The following PACRG variants were observed in gnomAD, a reference collection of about 807,000 sequenced individuals.
The protein encoded by PACRG is parkin coregulated gene protein.
PACRG carries 29 observed loss-of-function variants against 29.7 expected under a neutral mutation model. The ratio of observed to expected loss-of-function variants is 0.98; its 90% CI spans 0.73 to 1.33. The LOEUF is 1.33. Among genes scored for constraint, PACRG ranks in the 40% most tolerant of loss-of-function variants. The pLI, the probability that PACRG is intolerant of heterozygous loss-of-function variation, is 0.00. For synonymous variants in PACRG, 116 were observed against 118.7 expected, an observed-to-expected ratio of 0.98 and a Z score of 0.15; for missense variants, 279 against 316.2, an observed-to-expected ratio of 0.88 and a Z score of 0.89.
At chr6:162,963,793 A>G (rs1052088227) in intron 2 of PACRG, among the ~76,000 whole-genome samples, 37 of 151,674 alleles carry the variant, frequency 2.4e-4, no homozygotes, top group Non-Finnish European at 5.9e-5. Context: ...TATCAACAGA[A>G]CTCTATCCAG....
intron 1 of PACRG, among the ~76,000 whole-genome samples, chr6:162,729,528 T>C (rs530641661): frequency 6.6e-6 from 1 of 152,318 alleles, no homozygotes; most frequent in East Asian, 1.9e-4. Context: ...TTAAAATTCT[T>C]GGAAATGGAC....
At chr6:163,218,170 C>T (rs1781437122) in intron 4 of PACRG, among the ~76,000 whole-genome samples, 1 of 152,150 alleles carries the variant, frequency 6.6e-6, no homozygotes, top group African/African-American at 2.4e-5. Context: ...TGAAGACTAG[C>T]ACATCTTCCC....
At chr6:163,064,012 C>T (rs1811315901) in intron 3 of PACRG, among the ~76,000 whole-genome samples, 1 of 152,034 alleles carries the variant, frequency 6.6e-6, no homozygotes. Flanking sequence ...ACAAGAAAGG[C>T]CCAGAATATT....
At chr6:162,909,607 C>G (rs1796172532) in intron 2 of PACRG, among the ~76,000 whole-genome samples, 1 of 150,294 alleles carries the variant, frequency 6.7e-6, no homozygotes, top group South Asian at 2.1e-4. Flanking sequence ...CTTGAAATTT[C>G]CTTGTCCCCA....
intron 2 of PACRG, among the ~76,000 whole-genome samples, chr6:162,868,583 G>A (rs1584595267): frequency 6.6e-6 from 1 of 152,270 alleles, no homozygotes; most frequent in Admixed American, 6.5e-5. Flanking sequence ...CTCTGGCATT[G>A]AGTTTCTTCC....
chr6:162,974,314 C>T (rs944366467), intron 2 of PACRG, among the ~76,000 whole-genome samples: 9 of 152,096 alleles, frequency 5.9e-5, no homozygotes, highest in Admixed American at 6.5e-5. Flanking sequence ...ATGCTTTTCA[C>T]GAAAATTCAA....
chr6:162,785,314 A>G (rs1173627403), intron 1 of PACRG, among the ~76,000 whole-genome samples: 5 of 152,202 alleles, frequency 3.3e-5, no homozygotes, highest in African/African-American at 4.8e-5. Flanking sequence ...AAAGAAATAG[A>G]TAAGTCTGCA....
chr6:162,888,153 G>A (rs369731662), intron 2 of PACRG, among the ~76,000 whole-genome samples: 1 of 151,820 alleles, frequency 6.6e-6, no homozygotes, highest in East Asian at 1.9e-4. Flanking sequence ...GGCTGGGGTG[G>A]TCTCATCCTC....
chr6:162,996,706 T>C (rs1022807673), intron 2 of PACRG, among the ~76,000 whole-genome samples: 1 of 152,180 alleles, frequency 6.6e-6, no homozygotes, highest in Non-Finnish European at 1.5e-5. Flanking sequence ...ATTATATAAA[T>C]AAGTCTAGAC....
chr6:163,173,847 G>A (rs572919388), intron 4 of PACRG, among the ~76,000 whole-genome samples: 1 of 152,238 alleles, frequency 6.6e-6, no homozygotes, highest in African/African-American at 2.4e-5. Context: ...TTGGTGCCTT[G>A]TCCTCTCCAT....
chr6:162,781,282 A>AT (rs1245033205), intron 1 of PACRG, among the ~76,000 whole-genome samples: 1 of 151,996 alleles, frequency 6.6e-6, no homozygotes, highest in Non-Finnish European at 1.5e-5. Context: ...CTGAAGAAAT[A>AT]TTTTTTTAAA....
intron 3 of PACRG, among the ~76,000 whole-genome samples, chr6:163,065,048 G>A (rs974131430): frequency 1.3e-5 from 2 of 152,038 alleles, no homozygotes; most frequent in African/African-American, 2.4e-5. Context: ...AGAATCCACC[G>A]TTCTTTCTCC....
At chr6:163,312,445 G>A (rs1279546788) in intron 4 of PACRG, among the ~76,000 whole-genome samples, 3 of 151,874 alleles carry the variant, frequency 2.0e-5, no homozygotes, top group African/African-American at 4.8e-5. Context: ...TGTCAACAAC[G>A]CCTCCTCCCA....
chr6:163,268,986 T>G (rs1301220261), intron 4 of PACRG, among the ~76,000 whole-genome samples: 1 of 152,216 alleles, frequency 6.6e-6, no homozygotes, highest in Admixed American at 6.5e-5. Flanking sequence ...GCAAATGAAT[T>G]AAAATATTTA....
intron 4 of PACRG, among the ~76,000 whole-genome samples, chr6:163,201,707 G>T (rs1307652345): frequency 3.3e-5 from 5 of 152,264 alleles, no homozygotes; most frequent in Non-Finnish European, 7.3e-5. Flanking sequence ...GGTCACTGAG[G>T]TGCTTGGCCT....
intron 3 of PACRG, among the ~76,000 whole-genome samples, chr6:163,070,463 A>G (rs116944563): frequency 1.8e-3 from 276 of 152,174 alleles, no homozygotes; most frequent in Non-Finnish European, 3.3e-3. Context: ...TCATTTATGC[A>G]AACAGTATTA....
intron 4 of PACRG, among the ~76,000 whole-genome samples, chr6:163,224,756 C>T (rs183422978): frequency 5.6e-4 from 86 of 152,232 alleles, no homozygotes; most frequent in African/African-American, 1.8e-3. Flanking sequence ...GGGAAAACTA[C>T]GTGACATTGG....
At position 163,176,169 on chromosome 6, in the gene PACRG, C is replaced by T. The variant is rs114627856; in HGVS notation, c.613+86761C>T. Among the ~76,000 whole-genome samples, 645 of 152,302 alleles carry T rather than the reference C, an allele frequency of 4.2e-3. 5 individuals are homozygous for T. The highest frequency in any genetic ancestry group is 0.015 in the African/African-American group (614 of 41,556). ...TCTATAGTCTGCATAGAGAATCTCA[C>T]CTTTTCCTTTGAACGGCCTCTTTAT... is the stretch of plus-strand genomic sequence containing the variant. On this transcript the variant is annotated intron_variant, in intron 4 of 4. Transcript: ENST00000366888.
intron 2 of PACRG, among the ~76,000 whole-genome samples, chr6:163,058,946 G>A (rs952187426): frequency 3.3e-5 from 5 of 151,454 alleles, no homozygotes; most frequent in Non-Finnish European, 5.9e-5. Context: ...GGGTGTGTTG[G>A]TGCGTGCCTG....
Sources: gnomAD v4.1 joint callset for allele counts (sites outside exome capture counted in the v4.1 genomes callset) on GRCh38, gnomAD v4.1.1 for gene constraint, MANE v1.5 for transcripts, NCBI Gene and HGNC (gene_info 2026-07-23, HGNC 2026-07-21) for gene names.